The following NDFIP1 variants were observed in gnomAD, a reference collection of about 807,000 sequenced individuals.
The protein encoded by NDFIP1 is Nedd4 family interacting protein 1.
In NDFIP1, 7 loss-of-function variants were observed where a neutral mutation model predicts 28.8. That is an observed-to-expected ratio of 0.24 (90% CI 0.14 to 0.46). NDFIP1 has a LOEUF of 0.46. Among genes scored for constraint, NDFIP1 ranks in the 20% least tolerant of loss-of-function variants. The pLI, the probability that NDFIP1 is intolerant of heterozygous loss-of-function variation, is 0.99. For synonymous variants in NDFIP1, 92 were observed against 101.0 expected (o/e 0.91, Z 0.53); for missense variants, 194 against 269.1 (o/e 0.72, Z 1.95).
rs141597093 is a variant in NDFIP1 at position 142,153,868 on chromosome 5, G to C, written c.*2140G>C. On this transcript the variant is annotated 3_prime_UTR_variant, in exon 8 of 8. Coordinates refer to ENST00000253814, the MANE Select transcript of NDFIP1 (RefSeq NM_030571.4). ...CCTTATTTGGTTTTGTATATTCAAC[G>C]AACTGAAATATTTGGAATTCCTATT... 5 of 152,986 alleles carry C rather than the reference G, an allele frequency of 3.3e-5. No homozygotes were observed. In the South Asian group the frequency reaches 8.2e-4, roughly 25 times the overall value. The allele number at this position is 152,986 out of a possible 1,614,324, so 9.5% of individuals were successfully genotyped here.
chr5:142,132,012 T>G (rs1393251183), intron 2 of NDFIP1, 117 bp downstream of exon 2: 2 of 1,157,462 alleles, frequency 1.7e-6, no homozygotes, highest in Non-Finnish European at 2.4e-6. Flanking sequence ...AAAGCAAGTC[T>G]GGATTTTAAA....
chr5:142,150,721 CAAA>C (rs11301868), intron 7 of NDFIP1, among the ~76,000 whole-genome samples: 5 of 133,808 alleles, frequency 3.7e-5, no homozygotes, highest in Admixed American at 7.5e-5. Context: ...CTCTTGTCTC[CAAA>C]AAAAAAAAAA....
At chr5:142,148,124 A>G (rs973001460) in intron 7 of NDFIP1, among the ~76,000 whole-genome samples, 26 of 152,222 alleles carry the variant, frequency 1.7e-4, no homozygotes, top group African/African-American at 7.2e-5. Context: ...GAAAAATAAT[A>G]TACTTTCCAT....
intron 1 of NDFIP1, among the ~76,000 whole-genome samples, chr5:142,116,374 T>G: frequency 6.8e-6 from 1 of 146,432 alleles, no homozygotes; most frequent in Non-Finnish European, 1.5e-5. Context: ...CTCTCTCTCT[T>G]TCTTTCTTTC....
rs201323144 is a variant in NDFIP1 at position 142,112,834 on chromosome 5, AT to A, written c.63+3807del. Among the ~76,000 whole-genome samples, 1,013 of 146,646 alleles carry A rather than the reference AT, an allele frequency of 6.9e-3. 12 individuals carry two copies. The highest frequency in any genetic ancestry group is 0.024 in the African/African-American group (963 of 40,084). On this transcript the variant is annotated intron_variant, in intron 1 of 7. Transcript: ENST00000253814. ...TTATAGGTTCCCCTGGCATTATTTT[AT>A]TTTTTTTTTCATTTTTGCCTTTTGA... is the stretch of plus-strand genomic sequence containing the variant.
intron 1 of NDFIP1, among the ~76,000 whole-genome samples, chr5:142,115,960 G>C (rs569890259): frequency 1.3e-5 from 2 of 152,280 alleles, no homozygotes; most frequent in African/African-American, 2.4e-5. Context: ...AGTGTTATAA[G>C]TAAAGATGAT....
chr5:142,119,572 A>C (rs759687348), intron 1 of NDFIP1, among the ~76,000 whole-genome samples: 3 of 152,166 alleles, frequency 2.0e-5, no homozygotes, highest in Non-Finnish European at 2.9e-5. Flanking sequence ...TCTTTGTGCT[A>C]TCAAGTTCTA....
At chr5:142,133,000 A>G (rs145139233) in intron 3 of NDFIP1, among the ~76,000 whole-genome samples, 95 of 152,376 alleles carry the variant, frequency 6.2e-4, no homozygotes, top group African/African-American at 2.2e-3. Context: ...TGGAAGCAGG[A>G]TAAGTCCCCA....
chr5:142,142,089 A>C (rs1397509343), intron 6 of NDFIP1, among the ~76,000 whole-genome samples: 1 of 152,146 alleles, frequency 6.6e-6, no homozygotes, highest in Admixed American at 6.6e-5. Context: ...GTGAACTATG[A>C]TGGCGTCACT....
At chr5:142,116,121 A>G (rs558688585) in intron 1 of NDFIP1, among the ~76,000 whole-genome samples, 1 of 152,210 alleles carries the variant, frequency 6.6e-6, no homozygotes, top group African/African-American at 2.4e-5. Context: ...TGTTAACTTG[A>G]CCAAGAGTGG....
rs2126925841 is a variant in NDFIP1 at position 142,151,924 on chromosome 5, T to C, written c.*196T>C. 6.5e-6 allele frequency: 1 copy of C among 152,944 alleles called. No individual in the cohort carries two copies. Among genetic ancestry groups the C allele is most frequent in the Middle Eastern group, 3.4e-3 (1 of 294 alleles). The allele number at this position is 152,944 out of a possible 1,614,324, so 9.5% of individuals were successfully genotyped here. ...AATTTTAATAGTTAATGCAGAATTCTGTAATCATTGAATCATTAGTGGTTA... is the reference window on the plus strand; with the variant it reads ...AATTTTAATAGTTAATGCAGAATTCCGTAATCATTGAATCATTAGTGGTTA... On this transcript the variant is annotated 3_prime_UTR_variant, in exon 8 of 8. Coordinates refer to ENST00000253814, the MANE Select transcript of NDFIP1 (RefSeq NM_030571.4).
At chr5:142,123,093 G>C (rs1757136717) in intron 1 of NDFIP1, among the ~76,000 whole-genome samples, 1 of 151,996 alleles carries the variant, frequency 6.6e-6, no homozygotes, top group South Asian at 2.1e-4. Context: ...CTCCCAAGTA[G>C]CTGGGACTAC....
intron 1 of NDFIP1, among the ~76,000 whole-genome samples, chr5:142,130,229 A>G (rs1445012148): frequency 6.6e-6 from 1 of 152,188 alleles, no homozygotes; most frequent in Admixed American, 6.5e-5. Context: ...GACTGGAAAA[A>G]CCAAATGAAA....
At chr5:142,126,565 A>G (rs2126915307) in intron 1 of NDFIP1, among the ~76,000 whole-genome samples, 1 of 152,256 alleles carries the variant, frequency 6.6e-6, no homozygotes, top group Non-Finnish European at 1.5e-5. Context: ...GTATGTTGAT[A>G]CCTTTTCTCA....
chr5:142,115,671 C>A (rs2126910328), intron 1 of NDFIP1, among the ~76,000 whole-genome samples: 1 of 152,106 alleles, frequency 6.6e-6, no homozygotes, highest in African/African-American at 2.4e-5. Flanking sequence ...GATGGTTTAT[C>A]TTTTTTTCAA....
chr5:142,141,433 C>T (rs1208041483), intron 6 of NDFIP1, among the ~76,000 whole-genome samples: 1 of 151,908 alleles, frequency 6.6e-6, no homozygotes, highest in East Asian at 1.9e-4. Context: ...GCCTCGGCCT[C>T]CCAAAGTGCT....
At chr5:142,129,991 T>C (rs1757210880) in intron 1 of NDFIP1, among the ~76,000 whole-genome samples, 2 of 152,148 alleles carry the variant, frequency 1.3e-5, no homozygotes, top group South Asian at 4.1e-4. Flanking sequence ...CCTCGGTCTC[T>C]CTGTTTTTCT....
At chr5:142,149,707 A>G (rs1185590498) in intron 7 of NDFIP1, among the ~76,000 whole-genome samples, 1 of 152,156 alleles carries the variant, frequency 6.6e-6, no homozygotes, top group East Asian at 1.9e-4. Flanking sequence ...TGAACAAGCA[A>G]AGGGATTTTT....
intron 1 of NDFIP1, among the ~76,000 whole-genome samples, chr5:142,130,612 A>T (rs929761083): frequency 2.6e-5 from 4 of 152,132 alleles, no homozygotes; most frequent in African/African-American, 9.7e-5. Flanking sequence ...CATAAATTTT[A>T]AAAAAAGTTA....
Sources: gnomAD v4.1 joint callset for allele counts (sites outside exome capture counted in the v4.1 genomes callset) on GRCh38, gnomAD v4.1.1 for gene constraint, MANE v1.5 for transcripts, NCBI Gene and HGNC (gene_info 2026-07-23, HGNC 2026-07-21) for gene names.